The following GPR176 variants were observed in gnomAD, a reference collection of about 807,000 sequenced individuals.
GPR176 encodes the protein G protein-coupled receptor 176.
Under a neutral mutation model 35.4 loss-of-function variants are expected in GPR176, and 26 were observed. That is an observed-to-expected ratio of 0.74 (90% confidence interval 0.54 to 1.02). The LOEUF (loss-of-function observed/expected upper bound fraction) is 1.02. GPR176 is among the 50% of genes least tolerant of loss of function. GPR176 has a pLI of 0.00. For missense variants in GPR176, 597 were observed against 665.3 expected (o/e 0.90, Z 1.13); for synonymous variants, 278 against 271.3 (o/e 1.02, Z -0.24).
At chr15:39,901,612 T>C (rs1481448187) in intron 1 of GPR176, among the ~76,000 whole-genome samples, 2 of 152,188 alleles carry the variant, frequency 1.3e-5, no homozygotes, top group Non-Finnish European at 2.9e-5. Flanking sequence ...TTAGCACTTA[T>C]CTTAAACAGC....
chr15:39,912,175 T>C (rs992999639), intron 1 of GPR176, among the ~76,000 whole-genome samples: 1 of 152,192 alleles, frequency 6.6e-6, no homozygotes, highest in African/African-American at 2.4e-5. Context: ...GTTTTCTTAT[T>C]TTTTAGTTTT....
At chr15:39,889,593 TAAAATAAAATAAAATAAAAC>T (rs2032794590) in intron 1 of GPR176, among the ~76,000 whole-genome samples, 1 of 97,644 alleles carries the variant, frequency 1.0e-5, no homozygotes, top group Admixed American at 1.2e-4. Context: ...TAAAATAAAA[TAAAATAAAATAAAATAAAAC>T]AAAACAAAAC....
Position 39,801,441 on chromosome 15 carries a change from C to T in GPR176, c.1239G>A (p.Glu413=). The T allele has an allele frequency of 1.2e-6, 2 of 1,614,240 alleles. No individual in the cohort carries two copies. Among genetic ancestry groups the T allele is most frequent in the African/African-American group, 2.7e-5 (2 of 75,058 alleles). The part of the protein sequence containing the change: ...KEIFSTCLEG[E]QGPQFAPSAP... ...CAGAGGGCGCAAACTGTGGCCCCTG[C>T]TCTCCCTCCAGGCAGGTGCTAAATA... is the stretch of plus-strand genomic sequence containing the variant. Residue 413 remains glutamate, a synonymous_variant, in exon 3 of 3, where the codon GAG becomes GAA. Coordinates refer to ENST00000561100, the MANE Select transcript of GPR176 (RefSeq NM_007223.3).
At chr15:39,833,394 A>T (rs1413655389) in intron 1 of GPR176, among the ~76,000 whole-genome samples, 1 of 152,224 alleles carries the variant, frequency 6.6e-6, no homozygotes, top group Non-Finnish European at 1.5e-5. Flanking sequence ...TAAAGAAGTC[A>T]GTAACAAAAG....
intron 1 of GPR176, among the ~76,000 whole-genome samples, chr15:39,875,319 A>G (rs1199783770): frequency 1.3e-5 from 2 of 152,226 alleles, no homozygotes; most frequent in African/African-American, 4.8e-5. Flanking sequence ...GATTATCATG[A>G]CAATACAAAT....
At chr15:39,893,743 C>CA (rs2032967650) in intron 1 of GPR176, among the ~76,000 whole-genome samples, 1 of 146,126 alleles carries the variant, frequency 6.8e-6, no homozygotes, top group Non-Finnish European at 1.5e-5. Flanking sequence ...CTGACCCCCC[C>CA]ACCTCCCTCC....
At chr15:39,842,745 A>G (rs2030109405) in intron 1 of GPR176, among the ~76,000 whole-genome samples, 1 of 152,076 alleles carries the variant, frequency 6.6e-6, no homozygotes, top group Non-Finnish European at 1.5e-5. Flanking sequence ...GAACTATGAG[A>G]AATAAATTTC....
intron 1 of GPR176, among the ~76,000 whole-genome samples, chr15:39,897,315 A>G (rs368543762): frequency 2.0e-4 from 31 of 152,346 alleles, no homozygotes; most frequent in African/African-American, 7.0e-4. Flanking sequence ...AAACCACACT[A>G]TAAAAAACTG....
At chr15:39,890,112 T>C (rs1231293674) in intron 1 of GPR176, among the ~76,000 whole-genome samples, 4 of 152,170 alleles carry the variant, frequency 2.6e-5, no homozygotes, top group African/African-American at 9.7e-5. Flanking sequence ...CGCCTGGCTT[T>C]TTTTAGAGCC....
chr15:39,891,949 A>T (rs574005858), intron 1 of GPR176, among the ~76,000 whole-genome samples: 1 of 152,338 alleles, frequency 6.6e-6, no homozygotes, highest in East Asian at 1.9e-4. Context: ...AAGCAGACCA[A>T]CTTGAATTTT....
chr15:39,843,366 A>AT (rs2030171023), intron 1 of GPR176, among the ~76,000 whole-genome samples: 1 of 152,176 alleles, frequency 6.6e-6, no homozygotes, highest in Non-Finnish European at 1.5e-5. Context: ...AAAAATCATT[A>AT]TTTTTACTAT....
In GPR176 at chr15:39,920,127, G is replaced by T; in HGVS notation, c.-101C>A. Reference sequence around the variant, plus strand: ...GAGGGACGCGCGGGCGCCTGGCGGAGTCCTGGAGAAGCCGGAGCAGCCGAC... The same window carrying T: ...GAGGGACGCGCGGGCGCCTGGCGGATTCCTGGAGAAGCCGGAGCAGCCGAC... On this transcript the variant is annotated 5_prime_UTR_variant, in exon 1 of 3. Transcript: ENST00000561100. The T allele has an allele frequency of 1.2e-6, 1 of 813,480 alleles. No homozygotes were observed. Among genetic ancestry groups the T allele is most frequent in the Non-Finnish European group, 1.7e-6 (1 of 596,604 alleles). 50.4% of individuals were successfully genotyped at this position (813,480 alleles called of 1,614,324 possible).
At chr15:39,841,358 T>C (rs2029967057) in intron 1 of GPR176, among the ~76,000 whole-genome samples, 1 of 128,392 alleles carries the variant, frequency 7.8e-6, no homozygotes, top group South Asian at 2.7e-4. Context: ...ATTGAAGTCC[T>C]CAGTATCTCA....
chr15:39,852,765 T>C (rs1283442361), intron 1 of GPR176, among the ~76,000 whole-genome samples: 2 of 152,176 alleles, frequency 1.3e-5, no homozygotes, highest in Non-Finnish European at 2.9e-5. Flanking sequence ...TATTTAAATA[T>C]AAACCCATTA....
intron 1 of GPR176, among the ~76,000 whole-genome samples, chr15:39,833,170 G>A (rs940330397): frequency 6.6e-6 from 1 of 151,996 alleles, no homozygotes; most frequent in African/African-American, 2.4e-5. Context: ...CCAAGAAAAA[G>A]GAAAACATGT....
chr15:39,919,774 G>A lies in GPR176; in HGVS notation c.172+81C>T. 7.8e-6 allele frequency: 9 copies of A among 1,157,238 alleles called. No individual in the cohort carries two copies. The South Asian group carries it at 1.6e-4, about 21-fold the overall frequency. 71.7% of individuals were successfully genotyped at this position (1,157,238 alleles called of 1,614,324 possible). On this transcript the variant is annotated intron_variant, in intron 1 of 2. Transcript: ENST00000561100. The stretch of plus-strand genomic sequence containing the variant: ...TTGCCAGGCACCCGAAACCCACGGC[G>A]GCTGGGCGGCCCTGCTCCCGGCTCT...
At chr15:39,857,646 G>A (rs1229797741) in intron 1 of GPR176, among the ~76,000 whole-genome samples, 1 of 151,824 alleles carries the variant, frequency 6.6e-6, no homozygotes, top group Non-Finnish European at 1.5e-5. Flanking sequence ...CACAAGCCTG[G>A]GTGACAAGGC....
chr15:39,840,003 G>T (rs1901644980), intron 1 of GPR176, among the ~76,000 whole-genome samples: 1 of 152,194 alleles, frequency 6.6e-6, no homozygotes, highest in South Asian at 2.1e-4. Context: ...AGAGGATGTG[G>T]AGAAATAGGA....
At chr15:39,909,128 G>A (rs1306714373) in intron 1 of GPR176, among the ~76,000 whole-genome samples, 1 of 152,220 alleles carries the variant, frequency 6.6e-6, no homozygotes, top group African/African-American at 2.4e-5. Flanking sequence ...CAGTGAGGGT[G>A]CAGGCTTATG....
Sources: gnomAD v4.1 joint callset for allele counts (sites outside exome capture counted in the v4.1 genomes callset) on GRCh38, gnomAD v4.1.1 for gene constraint, MANE v1.5 for transcripts, NCBI Gene and HGNC (gene_info 2026-07-23, HGNC 2026-07-21) for gene names.